The following AASS variants were observed in gnomAD, a reference collection of about 807,000 sequenced individuals.
AASS encodes the protein aminoadipate-semialdehyde synthase.
A neutral mutation model predicts 105.4 loss-of-function variants in AASS; 86 were observed. The observed-to-expected ratio is 0.82, with a 90% confidence interval of 0.69 to 0.98. AASS has a LOEUF of 0.98. AASS is among the 50% of genes least tolerant of loss of function. The probability of loss-of-function intolerance (pLI) is 0.00; values close to 1 mark genes in which losing one functional copy is unlikely to be tolerated. For missense variants in AASS, 1,048 were observed against 1,143.2 expected, an observed-to-expected ratio of 0.92 and a Z score of 1.20; for synonymous variants, 381 against 394.8, an observed-to-expected ratio of 0.96 and a Z score of 0.41.
At chr7:122,138,509 T>C (rs1033103540) in intron 1 of AASS, among the ~76,000 whole-genome samples, 1 of 152,204 alleles carries the variant, frequency 6.6e-6, no homozygotes, top group Non-Finnish European at 1.5e-5. Context: ...AATATCTTAG[T>C]GTACTTTATT....
chr7:122,077,120 T>C (rs571751994), intron 23 of AASS, among the ~76,000 whole-genome samples: 3 of 152,310 alleles, frequency 2.0e-5, no homozygotes, highest in East Asian at 1.9e-4. Flanking sequence ...AATAACTAAG[T>C]TGGTCATTTA....
At position 122,116,875 on chromosome 7, in the gene AASS, T is replaced by G; in HGVS notation, c.766+4A>C. On this transcript the variant is annotated splice_donor_region_variant and intron_variant, in intron 7 of 23. Coordinates refer to ENST00000417368, the MANE Select transcript of AASS (RefSeq NM_005763.4). ...TTAAAAGTTAGTCATCTCCTGTCCC[T>G]TACCTCCAGTTTGGGAAACTTCTTT... 1 of 1,613,668 alleles carries G rather than the reference T, an allele frequency of 6.2e-7. No homozygotes were observed. The highest frequency in any genetic ancestry group is 8.5e-7 in the Non-Finnish European group (1 of 1,179,630).
chr7:122,117,638 C>T (rs181368847), intron 6 of AASS, among the ~76,000 whole-genome samples: 2 of 149,922 alleles, frequency 1.3e-5, no homozygotes, highest in African/African-American at 2.4e-5. Flanking sequence ...ATTTATTTAT[C>T]TATTTATTTA....
At chr7:122,115,036 G>A (rs1013202480) in intron 9 of AASS, 38 bp downstream of exon 9, 11 of 1,613,736 alleles carry the variant, frequency 6.8e-6, no homozygotes, top group African/African-American at 5.3e-5. Flanking sequence ...GGAAGCAGCT[G>A]GTCAAAACTA....
intron 19 of AASS, among the ~76,000 whole-genome samples, chr7:122,085,538 A>T (rs1489422401): frequency 6.6e-6 from 1 of 152,096 alleles, no homozygotes; most frequent in African/African-American, 2.4e-5. Context: ...AGGACATATA[A>T]CATAGGCCAA....
chr7:122,078,798 A>G, intron 22 of AASS, 64 bp downstream of exon 22: 1 of 1,481,108 alleles, frequency 6.8e-7, no homozygotes, highest in Non-Finnish European at 9.4e-7. Flanking sequence ...CAATACGATT[A>G]TCTGCACTGA....
At chr7:122,141,924 G>A (rs1206452920) in intron 1 of AASS, among the ~76,000 whole-genome samples, 1 of 152,150 alleles carries the variant, frequency 6.6e-6, no homozygotes, top group Non-Finnish European at 1.5e-5. Context: ...CATTAGAAAT[G>A]TAGAACATAA....
intron 15 of AASS, among the ~76,000 whole-genome samples, chr7:122,093,516 T>C (rs1236206848): frequency 6.6e-6 from 1 of 152,138 alleles, no homozygotes; most frequent in East Asian, 1.9e-4. Context: ...TGCCCATCAA[T>C]AGTGGGATTG....
chr7:122,082,967 C>T (rs1584811011), intron 19 of AASS: 3 of 904,132 alleles, frequency 3.3e-6, no homozygotes, highest in Non-Finnish European at 4.7e-6. Context: ...ATGGTTTATT[C>T]CCCAGTGTGC....
At chr7:122,097,090 T>A (rs1794193898) in intron 15 of AASS, among the ~76,000 whole-genome samples, 1 of 151,990 alleles carries the variant, frequency 6.6e-6, no homozygotes, top group African/African-American at 2.4e-5. Flanking sequence ...TTTAAGTGCA[T>A]AAAGTTAGCC....
chr7:122,131,524 A>G (rs1475786347), intron 2 of AASS, among the ~76,000 whole-genome samples: 1 of 151,962 alleles, frequency 6.6e-6, no homozygotes, highest in African/African-American at 2.4e-5. Flanking sequence ...TTTTAAAGGT[A>G]AAAAGTTGTG....
Position 122,113,211 on chromosome 7 carries a change from G to C in AASS, c.1185C>G (p.Ile395Met). The change falls in exon 11 of 24, where the codon ATC becomes ATG. Residue 395 changes from isoleucine to methionine, a missense_variant. Transcript: ENST00000417368. ...GCAAATTGTCAATGGAACACATCAG[G>C]ATCCCCGAGCCTTCAACACTAAAAG... Reference protein sequence around the residue: ...IIHDSVEGSGILMCSIDNLPA... With the variant: ...IIHDSVEGSGMLMCSIDNLPA... The C allele has an allele frequency of 6.2e-7, 1 of 1,613,982 alleles. No individual in the cohort carries two copies. The highest frequency in any genetic ancestry group is 8.5e-7 in the Non-Finnish European group (1 of 1,179,936).
chr7:122,129,619 A>T, intron 2 of AASS, 82 bp from the exon 3 acceptor site: 1 of 1,277,276 alleles, frequency 7.8e-7, no homozygotes, highest in Non-Finnish European at 1.1e-6. Flanking sequence ...TAGCAAAGGC[A>T]CAACAAATCT....
intron 18 of AASS, among the ~76,000 whole-genome samples, chr7:122,090,826 C>G (rs952937848): frequency 4.6e-5 from 7 of 152,096 alleles, no homozygotes; most frequent in Admixed American, 2.6e-4. Flanking sequence ...GATTTTTCCC[C>G]TTATAAAACT....
intron 15 of AASS, among the ~76,000 whole-genome samples, 169 bp downstream of exon 15, chr7:122,098,281 T>G (rs573799084): frequency 2.0e-5 from 3 of 151,912 alleles, no homozygotes; most frequent in Non-Finnish European, 4.4e-5. Flanking sequence ...GTTCACTTTG[T>G]GAAAATTCAT....
chr7:122,088,194 G>A (rs1326057454), intron 18 of AASS, among the ~76,000 whole-genome samples: 2 of 151,976 alleles, frequency 1.3e-5, no homozygotes, highest in African/African-American at 4.8e-5. Flanking sequence ...GCTTCTCTAG[G>A]TCCAACTCTT....
intron 15 of AASS, among the ~76,000 whole-genome samples, chr7:122,094,659 G>A (rs80282957): frequency 6.6e-6 from 1 of 152,082 alleles, no homozygotes; most frequent in East Asian, 1.9e-4. Context: ...TTGATATCTT[G>A]TGATTATGCA....
intron 1 of AASS, among the ~76,000 whole-genome samples, chr7:122,138,755 T>G (rs1796261177): frequency 6.6e-6 from 1 of 152,074 alleles, no homozygotes; most frequent in South Asian, 2.1e-4. Flanking sequence ...AGAAAGAACA[T>G]GCTTGAATGT....
chr7:122,116,929 G>GATTAT lies in AASS; in HGVS notation c.715_716insATAAT (p.Pro239HisfsTer12), dbSNP rs1199003323. 6.2e-7 allele frequency: 1 copy of GATTAT among 1,613,870 alleles called. No homozygotes were observed. Among genetic ancestry groups the GATTAT allele is most frequent in the East Asian group, 2.2e-5 (1 of 44,854 alleles). ...TTCATGGGGCTCCACATATTCACAA[G>GATTAT]GTAGCTCATTAAAGATTGCTTGGGC... On this transcript the variant is annotated frameshift_variant, in exon 7 of 24. Transcript: ENST00000417368. LOFTEE classifies it high-confidence loss of function.
Sources: allele counts gnomAD v4.1 joint callset (sites outside exome capture counted in the v4.1 genomes callset), GRCh38; gene constraint gnomAD v4.1.1; transcripts MANE v1.5; gene names NCBI Gene and HGNC (gene_info 2026-07-23, HGNC 2026-07-21).